Variants in TRPV1 observed in about 807,000 individuals in gnomAD.
The protein encoded by TRPV1 is transient receptor potential cation channel subfamily V member 1.
A neutral mutation model predicts 82.3 loss-of-function variants in TRPV1; 82 were observed. That is an observed-to-expected ratio of 1.00 (90% confidence interval 0.83 to 1.20). The LOEUF (loss-of-function observed/expected upper bound fraction) is 1.20, where lower values mean the gene tolerates loss of function less well. TRPV1 is among the 50% of genes most tolerant of loss of function. TRPV1 has a pLI of 0.00. For missense variants in TRPV1, 1,067 were observed against 1,096.8 expected (o/e 0.97, Z 0.38); for synonymous variants, 515 against 467.7 (o/e 1.10, Z -1.30).
At chr17:3,607,079 G>A (rs898785556) in intron 2 of TRPV1, among the ~76,000 whole-genome samples, 2 of 152,196 alleles carry the variant, frequency 1.3e-5, no homozygotes, top group Non-Finnish European at 2.9e-5. Context: ...CAGGCATGGT[G>A]GCTAACGCCT....
chr17:3,567,073 C>A (rs2074773644), intron 16 of TRPV1, 86 bp from the exon 17 acceptor site: 1 of 1,484,146 alleles, frequency 6.7e-7, no homozygotes, highest in South Asian at 1.3e-5. Context: ...AAAAGGAGGT[C>A]CAAGACAGGC....
chr17:3,593,375 C>T (rs2075186276), intron 2 of TRPV1, among the ~76,000 whole-genome samples: 2 of 152,142 alleles, frequency 1.3e-5, no homozygotes, highest in South Asian at 2.1e-4. Context: ...TAGAGATCAG[C>T]TGGCCGCTGG....
intron 7 of TRPV1, among the ~76,000 whole-genome samples, chr17:3,589,443 C>T (rs2075126174): frequency 6.6e-6 from 1 of 152,082 alleles, no homozygotes; most frequent in Non-Finnish European, 1.5e-5. Flanking sequence ...CTCAGGTGAT[C>T]CACCCACGTC....
chr17:3,567,292 C>G (rs914051421), intron 16 of TRPV1, among the ~76,000 whole-genome samples: 4 of 149,626 alleles, frequency 2.7e-5, no homozygotes, highest in African/African-American at 4.9e-5. Context: ...TCACTTGAAC[C>G]TGGGAGGCAC....
intron 8 of TRPV1, 59 bp downstream of exon 8, chr17:3,588,129 G>A (rs2075106507): frequency 5.9e-6 from 9 of 1,519,732 alleles, no homozygotes; most frequent in Non-Finnish European, 8.0e-6. Flanking sequence ...CAGGGGCTGG[G>A]ATTGGGGCTT....
intron 11 of TRPV1, among the ~76,000 whole-genome samples, chr17:3,579,215 C>T (rs1487855227): frequency 6.6e-6 from 1 of 151,926 alleles, no homozygotes; most frequent in Non-Finnish European, 1.5e-5. Flanking sequence ...CTTTCACAAT[C>T]ATGTTAAATA....
At chr17:3,585,994 CGTG>C in intron 8 of TRPV1, 68 bp from the exon 9 acceptor site, 1 of 1,584,702 alleles carries the variant, frequency 6.3e-7, no homozygotes, top group Non-Finnish European at 8.6e-7. Context: ...CACACCAGCC[CGTG>C]GTGCCCCTCA....
intron 11 of TRPV1, among the ~76,000 whole-genome samples, 153 bp downstream of exon 11, chr17:3,580,304 C>A (rs952094124): frequency 2.0e-5 from 3 of 152,158 alleles, no homozygotes; most frequent in African/African-American, 7.2e-5. Context: ...ATTCATTCAT[C>A]CCCCGAGTAT....
At chr17:3,590,902 C>T (rs997802335) in intron 5 of TRPV1, 62 bp downstream of exon 5, 9 of 1,485,336 alleles carry the variant, frequency 6.1e-6, no homozygotes, top group African/African-American at 1.4e-5. Context: ...CAGGGACAAC[C>T]ATGCCCCCCT....
intron 10 of TRPV1, among the ~76,000 whole-genome samples, chr17:3,582,275 G>A (rs1049473671): frequency 6.7e-6 from 1 of 150,278 alleles, no homozygotes; most frequent in Non-Finnish European, 1.5e-5. Flanking sequence ...CAGAGGCTGA[G>A]GTGGGAGGAT....
chr17:3,604,427 G>A lies in TRPV1; in HGVS notation c.-34+4000C>T, dbSNP rs534950665. On this transcript the variant is annotated intron_variant, in intron 2 of 16. Coordinates refer to ENST00000572705, the MANE Select transcript of TRPV1 (RefSeq NM_080704.4). ...AGCCTGGCCAACATGGTGAAACCCC[G>A]TCTCTATTAAAAATACAAAAATTAG... Among the ~76,000 whole-genome samples, 8 of 151,946 alleles carry A rather than the reference G, an allele frequency of 5.3e-5. No homozygotes were observed. The South Asian group carries it at 1.2e-3, about 24-fold the overall frequency.
At chr17:3,589,785 C>T in intron 7 of TRPV1, 22 bp downstream of exon 7, 1 of 1,595,060 alleles carries the variant, frequency 6.3e-7, no homozygotes, top group Non-Finnish European at 8.5e-7. Flanking sequence ...CCGCACCAGC[C>T]TGAGCCGAAG....
intron 16 of TRPV1, among the ~76,000 whole-genome samples, chr17:3,570,837 C>T (rs541894917): frequency 6.6e-6 from 1 of 152,264 alleles, no homozygotes; most frequent in Non-Finnish European, 1.5e-5. Flanking sequence ...CTTCAGCCTC[C>T]CGAGTAGCTG....
At chr17:3,593,124 G>C (rs431260) in intron 2 of TRPV1, among the ~76,000 whole-genome samples, 203 of 89,582 alleles carry the variant, frequency 2.3e-3, no homozygotes, top group African/African-American at 0.019. Context: ...GTGTGTGTGT[G>C]TGTGTGTGTG....
chr17:3,568,289 T>C (rs1008154142), intron 16 of TRPV1, among the ~76,000 whole-genome samples: 2 of 141,434 alleles, frequency 1.4e-5, no homozygotes, highest in Non-Finnish European at 3.0e-5. Flanking sequence ...GCCACTGCAC[T>C]CCAGCCTGGG....
At chr17:3,602,109 C>T (rs571609084) in intron 2 of TRPV1, 3 of 152,130 alleles carry the variant, frequency 2.0e-5, no homozygotes, top group African/African-American at 4.8e-5. Flanking sequence ...ATTTTGTCCC[C>T]GTTTTACTGA....
rs1597505301 is a variant in TRPV1, at chr17:3,566,628, G to A, written c.*187C>T. On this transcript the variant is annotated 3_prime_UTR_variant, in exon 17 of 17. Coordinates refer to ENST00000572705, the MANE Select transcript of TRPV1 (RefSeq NM_080704.4). Reference sequence around the variant, plus strand: ...ATTCACTTGGGGACAGTGACGGTTGGATGTACATCACTCCCCATGCTTCCA... The same window carrying A: ...ATTCACTTGGGGACAGTGACGGTTGAATGTACATCACTCCCCATGCTTCCA... 1 of 612,634 alleles carries A rather than the reference G, an allele frequency of 1.6e-6. No individual in the cohort carries two copies. 37.9% of individuals were successfully genotyped at this position (612,634 alleles called of 1,614,324 possible). A position where few individuals can be genotyped will look rare whatever the true frequency, so the allele number is the denominator to read the frequency against.
At chr17:3,590,863 A>G (rs1437368192) in intron 5 of TRPV1, 101 bp downstream of exon 5, 3 of 1,435,194 alleles carry the variant, frequency 2.1e-6, no homozygotes, top group Non-Finnish European at 2.8e-6. Flanking sequence ...TGGGACAGGG[A>G]GTAAGGATCC....
Position 3,589,877 on chromosome 17 carries a change from T to C in TRPV1, c.974A>G (p.Lys325Arg), listed in dbSNP as rs761205906. 12 of 1,612,500 alleles carry C rather than the reference T, an allele frequency of 7.4e-6. No homozygotes were observed. The highest frequency in any genetic ancestry group is 1.0e-5 in the Non-Finnish European group (12 of 1,179,394). Residue 325 changes from lysine (K) to arginine (R), a missense_variant, in exon 7 of 17, where the codon AAG becomes AGG. By Grantham distance (26) the Lys-to-Arg change is conservative. Coordinates refer to ENST00000572705, the MANE Select transcript of TRPV1 (RefSeq NM_080704.4). ...MLGAKLHPTL[K>R]LEELTNKKGM... ...CTTCTTGTTGGTGAGCTCCTCCAGCTTCAGCGTCGGGTGCAGTTTGGCCCC... is the reference window on the plus strand; with the variant it reads ...CTTCTTGTTGGTGAGCTCCTCCAGCCTCAGCGTCGGGTGCAGTTTGGCCCC...
Sources: gnomAD v4.1 joint callset for allele counts (sites outside exome capture counted in the v4.1 genomes callset) on GRCh38, gnomAD v4.1.1 for gene constraint, MANE v1.5 for transcripts, NCBI Gene and HGNC (gene_info 2026-07-23, HGNC 2026-07-21) for gene names.